Variants in NTM observed in about 807,000 individuals in gnomAD.
NTM encodes the protein neurotrimin.
A neutral mutation model predicts 42.1 loss-of-function variants in NTM; 13 were observed. That is an observed-to-expected ratio of 0.31 (90% CI 0.20 to 0.49). The LOEUF (loss-of-function observed/expected upper bound fraction) is 0.49. Ranked by LOEUF, NTM falls within the 20% of genes least tolerant of loss-of-function variation. The pLI, the probability that NTM is intolerant of heterozygous loss-of-function variation, is 0.99. For missense variants in NTM, 373 were observed against 452.8 expected, an observed-to-expected ratio of 0.82 and a Z score of 1.60; for synonymous variants, 187 against 179.2, an observed-to-expected ratio of 1.04 and a Z score of -0.35.
intron 2 of NTM, among the ~76,000 whole-genome samples, chr11:131,949,136 C>T (rs1056686666): frequency 2.0e-5 from 3 of 152,282 alleles, no homozygotes; most frequent in South Asian, 4.1e-4. Flanking sequence ...CAGGTTCATC[C>T]GTGTCGTCAC....
At chr11:132,163,049 A>C (rs1777707230) in intron 3 of NTM, among the ~76,000 whole-genome samples, 1 of 152,174 alleles carries the variant, frequency 6.6e-6, no homozygotes, top group African/African-American at 2.4e-5. Context: ...AATTACTAGA[A>C]GTGTGATGGC....
At chr11:131,564,322 A>G (rs1310894197) in intron 1 of NTM, among the ~76,000 whole-genome samples, 5 of 152,060 alleles carry the variant, frequency 3.3e-5, no homozygotes, top group Non-Finnish European at 5.9e-5. Flanking sequence ...ATAATTCTGG[A>G]GGCTGGAAGT....
chr11:132,272,290 A>G (rs2093519343), intron 4 of NTM, among the ~76,000 whole-genome samples: 1 of 152,004 alleles, frequency 6.6e-6, no homozygotes, highest in South Asian at 2.1e-4. Context: ...CTTTATAGTG[A>G]TATTTGGAAT....
chr11:131,743,605 G>C (rs952752684), intron 1 of NTM, among the ~76,000 whole-genome samples: 4 of 152,158 alleles, frequency 2.6e-5, no homozygotes, highest in African/African-American at 9.7e-5. Context: ...CGGCCAGAAT[G>C]AAGGCATATC....
intron 1 of NTM, among the ~76,000 whole-genome samples, chr11:131,514,064 G>C (rs115863611): frequency 6.6e-6 from 1 of 152,058 alleles, no homozygotes; most frequent in Non-Finnish European, 1.5e-5. Flanking sequence ...TAATAATAAT[G>C]GTAAGTCAGC....
chr11:131,667,935 CT>C (rs2069370660), intron 1 of NTM, among the ~76,000 whole-genome samples: 1 of 152,224 alleles, frequency 6.6e-6, no homozygotes, highest in African/African-American at 2.4e-5. Context: ...CCAAGGGCAC[CT>C]CTCTTCCAAG....
intron 4 of NTM, among the ~76,000 whole-genome samples, chr11:132,268,913 C>T (rs1365962674): frequency 6.6e-6 from 1 of 151,930 alleles, no homozygotes; most frequent in Non-Finnish European, 1.5e-5. Flanking sequence ...TCCTGAGTGG[C>T]CTCAGTGATG....
intron 1 of NTM, among the ~76,000 whole-genome samples, chr11:131,616,086 G>C (rs1329640605): frequency 2.0e-5 from 3 of 152,240 alleles, no homozygotes; most frequent in Non-Finnish European, 2.9e-5. Flanking sequence ...GCTGTTCTCA[G>C]CTGATGCCTC....
At chr11:132,061,386 G>C (rs1433410027) in intron 2 of NTM, among the ~76,000 whole-genome samples, 1 of 152,248 alleles carries the variant, frequency 6.6e-6, no homozygotes, top group Middle Eastern at 3.4e-3. Context: ...AATTATAAAG[G>C]TCCCTCAAAC....
intron 1 of NTM, among the ~76,000 whole-genome samples, chr11:131,395,356 G>A (rs927176079): frequency 6.6e-6 from 1 of 152,192 alleles, no homozygotes; most frequent in African/African-American, 2.4e-5. Flanking sequence ...TTTAGAAAAT[G>A]TGATTGACTG....
At chr11:131,808,926 T>G (rs1342894705) in intron 1 of NTM, among the ~76,000 whole-genome samples, 2 of 152,252 alleles carry the variant, frequency 1.3e-5, no homozygotes. Flanking sequence ...GATCATTTCA[T>G]GTCTCAATTT....
intron 1 of NTM, chr11:131,796,000 T>C (rs1480089727): frequency 1.0e-6 from 1 of 985,234 alleles, no homozygotes. Context: ...ATTGAAGAAG[T>C]TGTGTGCAGG....
intron 1 of NTM, among the ~76,000 whole-genome samples, chr11:131,468,930 C>G (rs1952155236): frequency 6.6e-6 from 1 of 152,228 alleles, no homozygotes; most frequent in Admixed American, 6.5e-5. Context: ...GAGTGCTTGT[C>G]CCCATGCAGA....
At chr11:131,456,447 C>T (rs1025719025) in intron 1 of NTM, among the ~76,000 whole-genome samples, 3 of 152,152 alleles carry the variant, frequency 2.0e-5, no homozygotes, top group Non-Finnish European at 4.4e-5. Flanking sequence ...GCTGGGACTG[C>T]CCTCCCTCCT....
chr11:131,465,667 A>G (rs1032302817), intron 1 of NTM, among the ~76,000 whole-genome samples: 1 of 152,254 alleles, frequency 6.6e-6, no homozygotes, highest in African/African-American at 2.4e-5. Flanking sequence ...TCAATAAAGT[A>G]TTGAATTCCA....
chr11:132,305,309 G>A (rs1477133228), intron 4 of NTM, among the ~76,000 whole-genome samples: 6 of 152,136 alleles, frequency 3.9e-5, no homozygotes, highest in African/African-American at 7.2e-5. Context: ...TTGTTTCCCC[G>A]CTTTGGTGAT....
chr11:131,378,040 T>A (rs562586065), intron 1 of NTM, among the ~76,000 whole-genome samples: 1 of 152,334 alleles, frequency 6.6e-6, no homozygotes, highest in Admixed American at 6.5e-5. Flanking sequence ...AAGCCAGTGG[T>A]TTGCAAACTT....
intron 1 of NTM, among the ~76,000 whole-genome samples, chr11:131,749,508 G>C (rs1190127596): frequency 6.6e-6 from 1 of 152,210 alleles, no homozygotes; most frequent in East Asian, 1.9e-4. Flanking sequence ...AATTTGACTT[G>C]TTAGGTGGTC....
At chr11:131,569,027 C>T (rs532781950) in intron 1 of NTM, among the ~76,000 whole-genome samples, 1 of 152,292 alleles carries the variant, frequency 6.6e-6, no homozygotes, top group East Asian at 1.9e-4. Context: ...AGAACATTTT[C>T]GTTATCCAGA....
Sources: allele counts gnomAD v4.1 joint callset (sites outside exome capture counted in the v4.1 genomes callset), GRCh38; gene constraint gnomAD v4.1.1; transcripts MANE v1.5; gene names NCBI Gene and HGNC (gene_info 2026-07-23, HGNC 2026-07-21).